NRBP2: variants seen among roughly 807,000 people sequenced by gnomAD.
The protein encoded by NRBP2 is nuclear receptor-binding protein 2.
In NRBP2, 47 loss-of-function variants were observed where a neutral mutation model predicts 74.4. The observed-to-expected ratio is 0.63, with a 90% CI of 0.50 to 0.81. NRBP2 has a LOEUF of 0.81. Ranked by LOEUF, NRBP2 falls within the 30% of genes least tolerant of loss-of-function variation. NRBP2 has a pLI of 0.00. For synonymous variants in NRBP2, 312 were observed against 273.8 expected (o/e 1.14, Z -1.38); for missense variants, 613 against 690.1 (o/e 0.89, Z 1.25).
downstream of NRBP2, among the ~76,000 whole-genome samples, chr8:143,831,534 T>C (rs1417716462): frequency 6.6e-6 from 1 of 152,188 alleles, no homozygotes; most frequent in African/African-American, 2.4e-5. Context: ...GGTGGGAGGA[T>C]TGCTGGAGCC....
chr8:143,831,134 C>T (rs1473928393), downstream of NRBP2, among the ~76,000 whole-genome samples: 1 of 152,206 alleles, frequency 6.6e-6, no homozygotes, highest in Non-Finnish European at 1.5e-5. Flanking sequence ...CAATAATGTG[C>T]ACGCAGGATG....
At chr8:143,838,536 G>A (rs1563862721) in intron 10 of NRBP2, 144 bp downstream of exon 10, 2 of 643,304 alleles carry the variant, frequency 3.1e-6, no homozygotes, top group Non-Finnish European at 5.5e-6. Context: ...CTCCCACTGA[G>A]GTCCTCTTTG....
intron 10 of NRBP2, 53 bp downstream of exon 10, chr8:143,838,627 G>C: frequency 7.4e-7 from 1 of 1,348,032 alleles, no homozygotes; most frequent in East Asian, 2.4e-5. Flanking sequence ...CACCTTGCTA[G>C]CCCTAGCTGA....
chr8:143,830,163 C>T (rs1002241182), downstream of NRBP2, among the ~76,000 whole-genome samples: 1 of 152,258 alleles, frequency 6.6e-6, no homozygotes, highest in African/African-American at 2.4e-5. Context: ...ATATTCCCCG[C>T]CTCCCTCCTG....
downstream of NRBP2, among the ~76,000 whole-genome samples, chr8:143,830,523 G>C (rs781790102): frequency 6.6e-6 from 1 of 152,248 alleles, no homozygotes; most frequent in South Asian, 2.1e-4. Context: ...CTGACCACCC[G>C]CATGCCATCA....
chr8:143,839,697 C>T lies in NRBP2; in HGVS notation c.444+39G>A. On this transcript the variant is annotated intron_variant, in intron 4 of 17. Coordinates refer to ENST00000442628, the MANE Select transcript of NRBP2 (RefSeq NM_178564.4). The surrounding 1 kb of genome is among the most constrained non-coding windows in gnomAD (Gnocchi z 5.1). ...CCAGTCCCCGAGGCTGCCCCAACCC[C>T]GTCCTGTCCCCGTGGCTGCCCCAGC... 2 of 1,533,192 alleles carry T rather than the reference C, an allele frequency of 1.3e-6. No homozygotes were observed. Among genetic ancestry groups the T allele is most frequent in the Non-Finnish European group, 1.7e-6 (2 of 1,145,850 alleles). The allele number at this position is 1,533,192 out of a possible 1,614,324, so 95.0% of individuals were successfully genotyped here.
Position 143,835,290 on chromosome 8 carries a change from C to T in NRBP2, c.*372G>A, listed in dbSNP as rs79993231. 0.011 allele frequency: 3,767 copies of T among 357,356 alleles called. 143 individuals carry two copies. The highest frequency in any genetic ancestry group is 0.077 in the African/African-American group (3,504 of 45,376). 22.1% of individuals were successfully genotyped at this position (357,356 alleles called of 1,614,324 possible). On this transcript the variant is annotated 3_prime_UTR_variant, in exon 18 of 18. Coordinates refer to ENST00000442628, the MANE Select transcript of NRBP2 (RefSeq NM_178564.4). This position sits in a 1 kb window ranked among gnomAD's most constrained non-coding sequence, Gnocchi z 4.9. ...TGGGCAGAGGTCTGTCCAGGGCTGA[C>T]CCTCACCCCCAAGCCCCAGAGCTGG... is the stretch of plus-strand genomic sequence containing the variant.
Position 143,835,543 on chromosome 8 carries a change from A to G in NRBP2, c.*119T>C, listed in dbSNP as rs1347411977. On this transcript the variant is annotated 3_prime_UTR_variant, in exon 18 of 18. Coordinates refer to ENST00000442628, the MANE Select transcript of NRBP2 (RefSeq NM_178564.4). This position sits in a 1 kb window ranked among gnomAD's most constrained non-coding sequence, Gnocchi z 4.9. The stretch of plus-strand genomic sequence containing the variant: ...TCAGGAGACGGGGGGTTCCTTCACT[A>G]CCGGGGCCTTTGTGCTCCCAGGCGC... 4.7e-6 allele frequency: 4 copies of G among 849,086 alleles called. No individual in the cohort carries two copies. The highest frequency in any genetic ancestry group is 3.5e-5 in the African/African-American group (2 of 57,936). The allele number at this position is 849,086 out of a possible 1,614,324, so 52.6% of individuals were successfully genotyped here.
chr8:143,837,321 C>T lies in NRBP2; in HGVS notation c.1077-22G>A. Reference sequence around the variant, plus strand: ...GTACCTGGCATGGAAGTGGGAGGCACATGAGGGGCTGGCCGGGGCGAGGGG... The same window carrying T: ...GTACCTGGCATGGAAGTGGGAGGCATATGAGGGGCTGGCCGGGGCGAGGGG... On this transcript the variant is annotated intron_variant, in intron 12 of 17. Transcript: ENST00000442628. The surrounding 1 kb of genome is among the most constrained non-coding windows in gnomAD (Gnocchi z 4.3). 1 of 1,575,392 alleles carries T rather than the reference C, an allele frequency of 6.3e-7. No homozygotes were observed. The highest frequency in any genetic ancestry group is 8.6e-7 in the Non-Finnish European group (1 of 1,161,646).
downstream of NRBP2, among the ~76,000 whole-genome samples, chr8:143,831,982 TAA>T (rs1818180065): frequency 6.6e-6 from 1 of 152,244 alleles, no homozygotes; most frequent in African/African-American, 2.4e-5. Context: ...GAGGTTAGCA[TAA>T]AGACTGTGGG....
At chr8:143,836,535 C>G (rs1445322536) in intron 14 of NRBP2, among the ~76,000 whole-genome samples, 2 of 151,986 alleles carry the variant, frequency 1.3e-5, no homozygotes, top group African/African-American at 4.8e-5. Flanking sequence ...CCCATGATCT[C>G]TGCTGGCAGC....
chr8:143,839,748 G>A lies in NRBP2; in HGVS notation c.432C>T (p.Ala144=), dbSNP rs116941129. Residue 144 remains alanine, a synonymous_variant, in exon 4 of 18, where the codon GCC becomes GCT. Transcript: ENST00000442628. The surrounding 1 kb of genome is among the most constrained non-coding windows in gnomAD (Gnocchi z 5.1). ...FLKKTKKNHK[A]MNARAWKRWC... Reference sequence around the variant, plus strand: ...CCGCTCCCCATACCCGGGCGTTCATGGCCTTGTGGTTCTTCTTGGTCTTTT... The same window carrying A: ...CCGCTCCCCATACCCGGGCGTTCATAGCCTTGTGGTTCTTCTTGGTCTTTT... 282 of 1,535,968 alleles carry A rather than the reference G, an allele frequency of 1.8e-4. 2 individuals are homozygous for A. The East Asian group carries it at 6.5e-3, about 36-fold the overall frequency.
In NRBP2 at chr8:143,835,829, G is replaced by A. The variant is rs1554651448; in HGVS notation, c.1428C>T (p.Phe476=). 1.2e-6 allele frequency: 2 copies of A among 1,601,458 alleles called. No homozygotes were observed. The highest frequency in any genetic ancestry group is 1.7e-6 in the Non-Finnish European group (2 of 1,175,880). The change falls in exon 17 of 18, where the codon TTC becomes TTT. Residue 476 remains phenylalanine (F), a synonymous_variant. Transcript: ENST00000442628. This position sits in a 1 kb window ranked among gnomAD's most constrained non-coding sequence, Gnocchi z 4.9. ...GCACCGCCCAGCGCACCTCGTGGAG[G>A]AAGCCATAGTGCACGAGCTCCGAGG... ...DLASELVHYG[F]LHEDDRMKLA...
At chr8:143,836,707 T>TG (rs1435896655) in intron 14 of NRBP2, among the ~76,000 whole-genome samples, 30 of 14,874 alleles carry the variant, frequency 2.0e-3, no homozygotes, top group Middle Eastern at 0.12. Context: ...GTGGGGGGGG[T>TG]GGGAGGGGTG....
chr8:143,836,989 C>T, intron 14 of NRBP2, 50 bp downstream of exon 14: 2 of 1,577,728 alleles, frequency 1.3e-6, no homozygotes, highest in Non-Finnish European at 8.6e-7. Flanking sequence ...TCTTATCTGG[C>T]TGTTAGAAGG....
Position 143,840,380 on chromosome 8 carries a change from C to T in NRBP2, c.130-151G>A. On this transcript the variant is annotated intron_variant, in intron 1 of 17. Coordinates refer to ENST00000442628, the MANE Select transcript of NRBP2 (RefSeq NM_178564.4). This position sits in a 1 kb window ranked among gnomAD's most constrained non-coding sequence, Gnocchi z 5.7. The stretch of plus-strand genomic sequence containing the variant: ...GAAGGTGGGGCTTGGAGGGTAGCTG[C>T]CCCCAGGAGCCAAGGGCTCCTATCC... 2 of 1,051,060 alleles carry T rather than the reference C, an allele frequency of 1.9e-6. No homozygotes were observed. Among genetic ancestry groups the T allele is most frequent in the African/African-American group, 1.6e-5 (1 of 62,384 alleles). The allele number at this position is 1,051,060 out of a possible 1,614,324, so 65.1% of individuals were successfully genotyped here. A position where few individuals can be genotyped will look rare whatever the true frequency, so the allele number is the denominator to read the frequency against.
At chr8:143,831,199 A>C (rs544774338), downstream of NRBP2, among the ~76,000 whole-genome samples, 10 of 152,370 alleles carry the variant, frequency 6.6e-5, no homozygotes, top group East Asian at 9.6e-4. Context: ...CTCACAACCC[A>C]GTGCTATGCA....
At position 143,835,920 on chromosome 8, in the gene NRBP2, G is replaced by A. The variant is rs371384105; in HGVS notation, c.1382-45C>T. On this transcript the variant is annotated intron_variant, in intron 16 of 17. Coordinates refer to ENST00000442628, the MANE Select transcript of NRBP2 (RefSeq NM_178564.4). The surrounding 1 kb of genome is among the most constrained non-coding windows in gnomAD (Gnocchi z 4.9). ...CGAGGCATGAGGCCGCTGCCCACCC[G>A]CCGCCTGGGGTCACCGCCCGCCGCC... The A allele has an allele frequency of 3.4e-5, 54 of 1,591,990 alleles. No homozygotes were observed. The African/African-American group carries it at 3.5e-4, about 10-fold the overall frequency.
intron 14 of NRBP2, 106 bp from the exon 15 acceptor site, chr8:143,836,286 C>CT (rs1818381824): frequency 1.4e-6 from 2 of 1,395,688 alleles, no homozygotes; most frequent in Non-Finnish European, 1.9e-6. Context: ...GGGGGAATCT[C>CT]TAAGAGGAGC....
Sources: allele counts gnomAD v4.1 joint callset (sites outside exome capture counted in the v4.1 genomes callset), GRCh38; gene constraint gnomAD v4.1.1; non-coding constraint Gnocchi (gnomAD v3.1); transcripts MANE v1.5; gene names NCBI Gene and HGNC (gene_info 2026-07-23, HGNC 2026-07-21).